STON1: variants seen among roughly 807,000 people sequenced by gnomAD.
STON1 encodes stonin-1.
A neutral mutation model predicts 60.9 loss-of-function variants in STON1; 79 were observed. That is an observed-to-expected ratio of 1.30 (90% CI 1.08 to 1.56). STON1 has a LOEUF of 1.56. STON1 is among the 40% of genes most tolerant of loss of function. STON1 has a pLI of 0.00. For missense variants in STON1, 1,166 were observed against 858.9 expected, an observed-to-expected ratio of 1.36 and a Z score of -4.47; for synonymous variants, 363 against 306.9, an observed-to-expected ratio of 1.18 and a Z score of -1.91.
At chr2:48,569,762 A>G (rs1673106953) in intron 1 of STON1, among the ~76,000 whole-genome samples, 1 of 152,214 alleles carries the variant, frequency 6.6e-6, no homozygotes, top group African/African-American at 2.4e-5. Flanking sequence ...ATATTGTTAC[A>G]GGTTGAGTAT....
chr2:48,541,984 G>T (rs1671674292), intron 1 of STON1, among the ~76,000 whole-genome samples: 1 of 152,130 alleles, frequency 6.6e-6, no homozygotes, highest in Non-Finnish European at 1.5e-5. Context: ...CTCTATAGTA[G>T]ATCAAAACCT....
At chr2:48,538,522 T>A (rs192041043) in intron 1 of STON1, among the ~76,000 whole-genome samples, 1 of 150,882 alleles carries the variant, frequency 6.6e-6, no homozygotes, top group Non-Finnish European at 1.5e-5. Flanking sequence ...CTTAGGGTTT[T>A]ATAAATATTG....
intron 1 of STON1, among the ~76,000 whole-genome samples, chr2:48,537,999 G>A (rs1013426074): frequency 6.6e-6 from 1 of 151,478 alleles, no homozygotes; most frequent in Non-Finnish European, 1.5e-5. Context: ...TGTTTCCCAG[G>A]CTAGAGTGCG....
rs1558606099 is a variant in STON1, at chr2:48,564,599, C to CCTCCTCCTTCTCCTT, written c.-47-15983_-47-15982insCCTTCTCCTTCTCCT. Among the ~76,000 whole-genome samples, 3 of 43,868 alleles carry CCTCCTCCTTCTCCTT rather than the reference C, an allele frequency of 6.8e-5. 1 individual carries two copies. Among genetic ancestry groups the CCTCCTCCTTCTCCTT allele is most frequent in the African/African-American group, 2.4e-4 (3 of 12,710 alleles). The allele number at this position is 43,868 out of a possible 152,430, so 28.8% of individuals were successfully genotyped here. Reference sequence around the variant, plus strand: ...TCCTTCTCCTCCTCCTCCTCCTCCTCCTCCTTCTCCTTCTCCTTCTCCTTC... The same window carrying CCTCCTCCTTCTCCTT: ...TCCTTCTCCTCCTCCTCCTCCTCCTCCTCCTCCTTCTCCTTCTCCTTCTCCTTCTCCTTCTCCTTC... On this transcript the variant is annotated intron_variant, in intron 1 of 3. Transcript: ENST00000404752.
Position 48,582,546 on chromosome 2 carries a change from T to C in STON1, c.1913T>C (p.Leu638Pro). The C allele has an allele frequency of 6.2e-7, 1 of 1,606,548 alleles. No individual in the cohort carries two copies. Among genetic ancestry groups the C allele is most frequent in the Admixed American group, 1.7e-5 (1 of 58,410 alleles). ...YQAVVWKIDR[L>P]PDKNSSLDHP... is the part of the protein sequence containing the mutation. ...GCAGTGGTATGGAAGATAGATCGGCTTCCAGACAAAAATTCAAGTAAATAT... is the reference window on the plus strand; with the variant it reads ...GCAGTGGTATGGAAGATAGATCGGCCTCCAGACAAAAATTCAAGTAAATAT... Residue 638 changes from leucine (L) to proline (P), a missense_variant, in exon 2 of 4, where the codon CTT (leucine) becomes CCT (proline). Transcript: ENST00000404752.
In STON1 at chr2:48,591,842, G is replaced by A. The variant is rs1232027113; in HGVS notation, c.2120G>A (p.Cys707Tyr). 1.2e-6 allele frequency: 2 copies of A among 1,614,074 alleles called. No individual in the cohort carries two copies. Among genetic ancestry groups the A allele is most frequent in the East Asian group, 2.2e-5 (1 of 44,882 alleles). ...CAGAAACATGTTCAGCAGCGAGCTT[G>A]CTACAACATCCAGGTACATCCCAAA... is the stretch of plus-strand genomic sequence containing the variant. Reference protein sequence around the residue: ...QPQKHVQQRACYNIQVEIEKK... With the variant: ...QPQKHVQQRAYYNIQVEIEKK... Residue 707 changes from cysteine to tyrosine, a missense_variant, in exon 3 of 4, where the codon TGC becomes TAC. Coordinates refer to ENST00000404752, the MANE Select transcript of STON1 (RefSeq NM_006873.4).
intron 1 of STON1, among the ~76,000 whole-genome samples, chr2:48,574,810 A>G (rs1381281267): frequency 2.6e-5 from 4 of 152,206 alleles, no homozygotes; most frequent in African/African-American, 7.2e-5. Flanking sequence ...TGATCACTCA[A>G]ATAAAGATTT....
intron 1 of STON1, among the ~76,000 whole-genome samples, chr2:48,542,875 G>A (rs112505649): frequency 0.078 from 11,791 of 151,134 alleles, 603 homozygotes; most frequent in Non-Finnish European, 0.12. Context: ...AGGCACTCCC[G>A]CCTGGACAAC....
At chr2:48,577,254 T>C (rs1332038081) in intron 1 of STON1, among the ~76,000 whole-genome samples, 2 of 151,530 alleles carry the variant, frequency 1.3e-5, no homozygotes, top group Non-Finnish European at 2.9e-5. Flanking sequence ...AAGACCAATG[T>C]TATGAAGATT....
At chr2:48,533,156 G>C (rs1671282027) in intron 1 of STON1, among the ~76,000 whole-genome samples, 1 of 152,118 alleles carries the variant, frequency 6.6e-6, no homozygotes, top group Non-Finnish European at 1.5e-5. Flanking sequence ...GGCCAAGGCA[G>C]GCAGATCATG....
intron 1 of STON1, among the ~76,000 whole-genome samples, chr2:48,549,669 G>A (rs1200557386): frequency 6.6e-6 from 1 of 151,898 alleles, no homozygotes; most frequent in East Asian, 1.9e-4. Flanking sequence ...AAAATTACCC[G>A]GGTGTGGTGA....
intron 1 of STON1, among the ~76,000 whole-genome samples, chr2:48,574,258 C>G (rs1673358399): frequency 6.6e-6 from 1 of 151,940 alleles, no homozygotes; most frequent in Admixed American, 6.6e-5. Flanking sequence ...CACCTGTAAT[C>G]CCAGCTACTT....
chr2:48,564,408 T>C lies in STON1; in HGVS notation c.-47-16179T>C, dbSNP rs866839760. Among the ~76,000 whole-genome samples, 70 of 21,828 alleles carry C rather than the reference T, an allele frequency of 3.2e-3. 1 individual carries two copies. The highest frequency in any genetic ancestry group is 0.011 in the African/African-American group (66 of 6,264). The allele number at this position is 21,828 out of a possible 152,430, so 14.3% of individuals were successfully genotyped here. A position where few individuals can be genotyped will look rare whatever the true frequency, so the allele number is the denominator to read the frequency against. On this transcript the variant is annotated intron_variant, in intron 1 of 3. Coordinates refer to ENST00000404752, the MANE Select transcript of STON1 (RefSeq NM_006873.4). ...GTCCTCCAGTGGCAGTGGCGGTGTC[T>C]TCTTCTTCTTCTTCTTCTTCTTCTT...
intron 1 of STON1, among the ~76,000 whole-genome samples, chr2:48,558,183 A>G (rs1329595441): frequency 6.6e-6 from 1 of 152,232 alleles, no homozygotes; most frequent in Non-Finnish European, 1.5e-5. Context: ...AGATCGCACC[A>G]TTGCACTTCT....
chr2:48,595,317 T>G lies in STON1; in HGVS notation c.*15T>G. 1 of 1,605,458 alleles carries G rather than the reference T, an allele frequency of 6.2e-7. No individual in the cohort carries two copies. Among genetic ancestry groups the G allele is most frequent in the Non-Finnish European group, 8.5e-7 (1 of 1,172,338 alleles). On this transcript the variant is annotated 3_prime_UTR_variant, in exon 4 of 4. Coordinates refer to ENST00000404752, the MANE Select transcript of STON1 (RefSeq NM_006873.4). Reference sequence around the variant, plus strand: ...TAACTCAGTAGGAGTAGCAAGAGTTTATGATGACAGCCCACTTGTCAAATA... The same window carrying G: ...TAACTCAGTAGGAGTAGCAAGAGTTGATGATGACAGCCCACTTGTCAAATA...
chr2:48,587,894 T>A (rs1674303332), intron 2 of STON1, among the ~76,000 whole-genome samples: 1 of 152,144 alleles, frequency 6.6e-6, no homozygotes, highest in African/African-American at 2.4e-5. Context: ...GGTGCAGCTG[T>A]GGGCCTGGCT....
Position 48,554,297 on chromosome 2 carries a change from C to T in STON1, c.-48+24081C>T, listed in dbSNP as rs375684211. Among the ~76,000 whole-genome samples the T allele has an allele frequency of 2.2e-4, 33 of 152,332 alleles. No homozygotes were observed. The South Asian group carries it at 4.8e-3, about 22-fold the overall frequency. ...AGGGCAATGACACAATCTCGGCTCA[C>T]TGCAACCTCCACCTCCCTGGTTCAA... On this transcript the variant is annotated intron_variant, in intron 1 of 3. Transcript: ENST00000404752.
rs187712698 is a variant in STON1, at chr2:48,581,896, C to T, written c.1263C>T (p.Asp421=). 3 of 1,613,890 alleles carry T rather than the reference C, an allele frequency of 1.9e-6. No homozygotes were observed. The highest frequency in any genetic ancestry group is 2.2e-5 in the East Asian group (1 of 44,874). Residue 421 remains aspartate, a synonymous_variant, in exon 2 of 4, where the codon GAC becomes GAT. Coordinates refer to ENST00000404752, the MANE Select transcript of STON1 (RefSeq NM_006873.4). ...EEQEISLEIV[D]NFWGKVTKEG... Reference sequence around the variant, plus strand: ...AAGAAATTTCCTTGGAAATTGTGGACAACTTTTGGGGTAAAGTCACAAAAG... The same window carrying T: ...AAGAAATTTCCTTGGAAATTGTGGATAACTTTTGGGGTAAAGTCACAAAAG...
chr2:48,569,074 C>G (rs769592615), intron 1 of STON1: 1 of 152,178 alleles, frequency 6.6e-6, no homozygotes, highest in South Asian at 2.1e-4. Flanking sequence ...TCTTACTGGT[C>G]GAGCAACTTT....
Sources: gnomAD v4.1 joint callset for allele counts (sites outside exome capture counted in the v4.1 genomes callset) on GRCh38, gnomAD v4.1.1 for gene constraint, MANE v1.5 for transcripts, NCBI Gene and HGNC (gene_info 2026-07-23, HGNC 2026-07-21) for gene names.